SLC25A26: variants seen among roughly 807,000 people sequenced by gnomAD.
SLC25A26 encodes the protein mitochondrial S-adenosylmethionine carrier protein.
Under a neutral mutation model 37.8 loss-of-function variants are expected in SLC25A26, and 36 were observed. That is an observed-to-expected ratio of 0.95 (90% CI 0.73 to 1.26). The LOEUF is 1.26. Ranked by LOEUF, SLC25A26 falls within the 50% of genes most tolerant of loss-of-function variation. SLC25A26 has a pLI of 0.00. For missense variants in SLC25A26, 390 were observed against 331.1 expected (o/e 1.18, Z -1.38); for synonymous variants, 129 against 122.5 (o/e 1.05, Z -0.35).
At chr3:66,299,208 T>G (rs560865651) in intron 5 of SLC25A26, among the ~76,000 whole-genome samples, 2 of 152,342 alleles carry the variant, frequency 1.3e-5, no homozygotes, top group East Asian at 3.9e-4. Flanking sequence ...AACTTTTTTT[T>G]TGAGGCAAAG....
chr3:66,303,353 G>A (rs2075129338), intron 5 of SLC25A26, among the ~76,000 whole-genome samples: 1 of 152,330 alleles, frequency 6.6e-6, no homozygotes, highest in East Asian at 1.9e-4. Flanking sequence ...AGCTAACTGT[G>A]TTGGAGGAAC....
intron 1 of SLC25A26, among the ~76,000 whole-genome samples, chr3:66,152,418 A>T (rs762896165): frequency 1.3e-5 from 2 of 152,120 alleles, no homozygotes; most frequent in Non-Finnish European, 2.9e-5. Flanking sequence ...TTATTTTGCA[A>T]ATGAAGAGGC....
At chr3:66,290,185 A>T (rs2074656743) in intron 5 of SLC25A26, among the ~76,000 whole-genome samples, 1 of 152,200 alleles carries the variant, frequency 6.6e-6, no homozygotes, top group Non-Finnish European at 1.5e-5. Context: ...ATTTTGCTGA[A>T]GTTGCTTATC....
chr3:66,254,595 C>A (rs1394107521), intron 3 of SLC25A26, among the ~76,000 whole-genome samples: 3 of 152,198 alleles, frequency 2.0e-5, no homozygotes, highest in African/African-American at 7.2e-5. Context: ...GAAATTAAAC[C>A]TTGAACCTCT....
chr3:66,146,617 C>G (rs530368882), intron 1 of SLC25A26, among the ~76,000 whole-genome samples: 34 of 152,164 alleles, frequency 2.2e-4, no homozygotes, highest in African/African-American at 8.2e-4. Flanking sequence ...AATTCAAATT[C>G]TAATAAATTA....
chr3:66,191,100 G>A (rs2070933436), intron 1 of SLC25A26, among the ~76,000 whole-genome samples: 1 of 152,236 alleles, frequency 6.6e-6, no homozygotes, highest in South Asian at 2.1e-4. Context: ...ATGGACATAA[G>A]CACATATGAG....
intron 5 of SLC25A26, among the ~76,000 whole-genome samples, chr3:66,320,364 TC>T (rs2075662374): frequency 6.6e-6 from 1 of 152,234 alleles, no homozygotes. Context: ...GTGATATTTG[TC>T]CTTTGTGTTT....
chr3:66,374,670 G>T (rs1374774209), intron 9 of SLC25A26, among the ~76,000 whole-genome samples: 1 of 152,168 alleles, frequency 6.6e-6, no homozygotes, highest in Non-Finnish European at 1.5e-5. Context: ...GATGGCTTGA[G>T]CCCAAGAGTT....
In SLC25A26 at chr3:66,243,307, G is replaced by C; in HGVS notation, c.295G>C (p.Glu99Gln). 6.4e-7 allele frequency: 1 copy of C among 1,563,814 alleles called. No homozygotes were observed. The highest frequency in any genetic ancestry group is 8.8e-7 in the Non-Finnish European group (1 of 1,138,292). The change falls in exon 3 of 10, where the codon GAA (glutamate) becomes CAA (glutamine). Residue 99 changes from glutamate to glutamine, a missense_variant. Coordinates refer to ENST00000354883, the MANE Select transcript of SLC25A26 (RefSeq NM_001379210.1). ...ACATATGTTGGCTGCCTCTGCTGGA[G>C]AAGTGGTAAGTAACAAGTTTTGTGT... ...MKHMLAASAGEVVACLIRVPS... is the reference protein window; with the variant it reads ...MKHMLAASAGQVVACLIRVPS...
chr3:66,347,481 C>T (rs1169317045), intron 6 of SLC25A26, among the ~76,000 whole-genome samples: 1 of 152,146 alleles, frequency 6.6e-6, no homozygotes, highest in Non-Finnish European at 1.5e-5. Flanking sequence ...ACAACAGATG[C>T]TGGTGAGGCT....
chr3:66,326,956 G>T (rs990578468), intron 5 of SLC25A26, among the ~76,000 whole-genome samples: 4 of 152,200 alleles, frequency 2.6e-5, no homozygotes, highest in African/African-American at 9.6e-5. Context: ...GGCAGTACCT[G>T]CTGCTTTGTG....
In SLC25A26 at chr3:66,236,703, A is replaced by C. The variant is rs2072307335; in HGVS notation, c.190+3A>C. 1 of 1,504,052 alleles carries C rather than the reference A, an allele frequency of 6.6e-7. No individual in the cohort carries two copies. Among genetic ancestry groups the C allele is most frequent in the Non-Finnish European group, 8.9e-7 (1 of 1,123,094 alleles). The allele number at this position is 1,504,052 out of a possible 1,614,324, so 93.2% of individuals were successfully genotyped here. The stretch of plus-strand genomic sequence containing the variant: ...TGCTATTGGATCCTTTCCTAATGGT[A>C]AAAAATTATATTCTCACTTCTGTAA... On this transcript the variant is annotated splice_donor_region_variant and intron_variant, in intron 2 of 9. Coordinates refer to ENST00000354883, the MANE Select transcript of SLC25A26 (RefSeq NM_001379210.1).
At chr3:66,209,867 T>C (rs1230336768) in intron 1 of SLC25A26, among the ~76,000 whole-genome samples, 1 of 113,356 alleles carries the variant, frequency 8.8e-6, no homozygotes, top group Non-Finnish European at 1.8e-5. Context: ...TACACACACA[T>C]ATATATATAC....
At chr3:66,376,309 A>T (rs1431816731) in intron 9 of SLC25A26, among the ~76,000 whole-genome samples, 2 of 152,174 alleles carry the variant, frequency 1.3e-5, no homozygotes, top group East Asian at 1.9e-4. Flanking sequence ...GGTTGACTCC[A>T]ATTTTGAAAG....
intron 1 of SLC25A26, among the ~76,000 whole-genome samples, chr3:66,190,102 A>G (rs1439350911): frequency 1.3e-5 from 2 of 152,198 alleles, no homozygotes; most frequent in Non-Finnish European, 2.9e-5. Flanking sequence ...GCTTGAGTCC[A>G]GAAGTTTGAG....
chr3:66,308,442 T>A (rs1040702656), intron 5 of SLC25A26, among the ~76,000 whole-genome samples: 3 of 152,234 alleles, frequency 2.0e-5, no homozygotes, highest in Non-Finnish European at 2.9e-5. Flanking sequence ...TCTTGTTAAC[T>A]GCAAACGGAG....
intron 1 of SLC25A26, among the ~76,000 whole-genome samples, chr3:66,165,957 A>G (rs2070420655): frequency 8.0e-6 from 1 of 124,814 alleles, no homozygotes; most frequent in Non-Finnish European, 1.6e-5. Flanking sequence ...CCAACCCCAC[A>G]GACAGTTTTG....
rs1700820997 is a variant in SLC25A26 at position 66,378,583 on chromosome 3, AAAGG to A, written c.*777_*780del. ...GCTTTGAAAAGGCAGGATGAAATGGAAAGGTCACCACACTTAGGGATTTTAGACC... is the reference window on the plus strand; with the variant it reads ...GCTTTGAAAAGGCAGGATGAAATGGATCACCACACTTAGGGATTTTAGACC... On this transcript the variant is annotated 3_prime_UTR_variant, in exon 10 of 10. Coordinates refer to ENST00000354883, the MANE Select transcript of SLC25A26 (RefSeq NM_001379210.1). 6.6e-6 allele frequency: 1 copy of A among 152,480 alleles called. No homozygotes were observed. Among genetic ancestry groups the A allele is most frequent in the South Asian group, 2.1e-4 (1 of 4,836 alleles). The allele number at this position is 152,480 out of a possible 1,614,324, so 9.4% of individuals were successfully genotyped here. A position where few individuals can be genotyped will look rare whatever the true frequency, so the allele number is the denominator to read the frequency against.
intron 1 of SLC25A26, among the ~76,000 whole-genome samples, chr3:66,170,496 T>A (rs1460042773): frequency 2.6e-5 from 4 of 152,214 alleles, no homozygotes; most frequent in African/African-American, 9.6e-5. Flanking sequence ...GAGCGCATGG[T>A]ACTATATGCC....
Sources: gnomAD v4.1 joint callset for allele counts (sites outside exome capture counted in the v4.1 genomes callset) on GRCh38, gnomAD v4.1.1 for gene constraint, MANE v1.5 for transcripts, NCBI Gene and HGNC (gene_info 2026-07-23, HGNC 2026-07-21) for gene names.